GRAMD2B: variants seen among roughly 807,000 people sequenced by gnomAD.
GRAMD2B encodes GRAM domain-containing protein 2B.
Under a neutral mutation model 59.2 loss-of-function variants are expected in GRAMD2B, and 41 were observed. That is an observed-to-expected ratio of 0.69 (90% CI 0.54 to 0.90). The LOEUF is 0.90. Among genes scored for constraint, GRAMD2B ranks in the 40% least tolerant of loss-of-function variants. The pLI is 0.00. For synonymous variants in GRAMD2B, 161 were observed against 182.7 expected (o/e 0.88, Z 0.96); for missense variants, 424 against 500.5 (o/e 0.85, Z 1.46).
chr5:126,398,535 T>C (rs1757562455), intron 1 of GRAMD2B, among the ~76,000 whole-genome samples: 1 of 152,144 alleles, frequency 6.6e-6, no homozygotes, highest in Non-Finnish European at 1.5e-5. Flanking sequence ...ACTCTGTCAA[T>C]TTTGTTTAAC....
intron 1 of GRAMD2B, among the ~76,000 whole-genome samples, chr5:126,398,682 T>A (rs1175339863): frequency 1.3e-5 from 2 of 152,132 alleles, no homozygotes; most frequent in Non-Finnish European, 2.9e-5. Flanking sequence ...TCTTAAGGTA[T>A]AAAGTTAGAT....
At chr5:126,489,961 T>C (rs370280366) in intron 13 of GRAMD2B, among the ~76,000 whole-genome samples, 3 of 152,356 alleles carry the variant, frequency 2.0e-5, no homozygotes, top group South Asian at 2.1e-4. Context: ...TTATCTTTGT[T>C]TTCCTACACT....
chr5:126,439,070 G>A (rs1316914357), intron 1 of GRAMD2B, among the ~76,000 whole-genome samples: 1 of 152,124 alleles, frequency 6.6e-6, no homozygotes, highest in Non-Finnish European at 1.5e-5. Flanking sequence ...TATGTGAAAT[G>A]TCAGTAAAGG....
intron 12 of GRAMD2B, 149 bp downstream of exon 12, chr5:126,487,126 G>C: frequency 1.7e-6 from 1 of 589,178 alleles, no homozygotes; most frequent in East Asian, 2.8e-5. Context: ...AAGTAAAAAG[G>C]TAGGAGGGTC....
chr5:126,391,016 G>T (rs547318942), intron 1 of GRAMD2B, among the ~76,000 whole-genome samples: 1 of 152,116 alleles, frequency 6.6e-6, no homozygotes, highest in Admixed American at 6.5e-5. Context: ...TATAGTAACA[G>T]ATTGGGCTTA....
At chr5:126,404,283 TC>T (rs1279831064) in intron 1 of GRAMD2B, among the ~76,000 whole-genome samples, 1 of 151,876 alleles carries the variant, frequency 6.6e-6, no homozygotes, top group Non-Finnish European at 1.5e-5. Context: ...CCCCTTTTTT[TC>T]TTTGTGGTAG....
intron 1 of GRAMD2B, among the ~76,000 whole-genome samples, chr5:126,391,654 G>A (rs998784766): frequency 2.0e-5 from 3 of 152,196 alleles, no homozygotes; most frequent in African/African-American, 7.2e-5. Context: ...ACAAATGAAA[G>A]AAGCTAGTCA....
At chr5:126,461,620 C>T (rs1390061461) in intron 1 of GRAMD2B, among the ~76,000 whole-genome samples, 5 of 151,906 alleles carry the variant, frequency 3.3e-5, no homozygotes, top group Non-Finnish European at 7.4e-5. Context: ...GCCAACACAG[C>T]GAAACCCCGT....
At chr5:126,439,310 C>CTTTGTT (rs1762912166) in intron 1 of GRAMD2B, among the ~76,000 whole-genome samples, 1 of 140,858 alleles carries the variant, frequency 7.1e-6, no homozygotes, top group Non-Finnish European at 1.5e-5. Context: ...TTGATTGTTT[C>CTTTGTT]TTTGTTTTTT....
At chr5:126,462,449 G>A (rs1246288483) in intron 1 of GRAMD2B, 45 of 985,168 alleles carry the variant, frequency 4.6e-5, no homozygotes, top group Non-Finnish European at 5.2e-5. Context: ...CAAGGTAAGG[G>A]ACGCTTGCAG....
chr5:126,429,342 A>C (rs1007037909), intron 1 of GRAMD2B, among the ~76,000 whole-genome samples: 1 of 152,192 alleles, frequency 6.6e-6, no homozygotes, highest in Non-Finnish European at 1.5e-5. Flanking sequence ...ATGAGAACAC[A>C]TGGACACACA....
chr5:126,448,758 G>A (rs945371193), intron 1 of GRAMD2B, among the ~76,000 whole-genome samples: 2 of 152,224 alleles, frequency 1.3e-5, no homozygotes, highest in Admixed American at 1.3e-4. Context: ...CTTGGAAAGA[G>A]AAGGCTAGTC....
At chr5:126,482,359 C>T (rs574653617) in intron 8 of GRAMD2B, among the ~76,000 whole-genome samples, 1 of 152,116 alleles carries the variant, frequency 6.6e-6, no homozygotes, top group African/African-American at 2.4e-5. Flanking sequence ...TAAAAATCTA[C>T]CTTGAAAAAC....
chr5:126,469,366 G>A (rs1201997089), intron 2 of GRAMD2B, among the ~76,000 whole-genome samples: 1 of 152,164 alleles, frequency 6.6e-6, no homozygotes, highest in African/African-American at 2.4e-5. Flanking sequence ...CATAGGCCAG[G>A]TGTGGTGACT....
intron 1 of GRAMD2B, among the ~76,000 whole-genome samples, chr5:126,425,227 G>A (rs1313528413): frequency 6.6e-6 from 1 of 152,118 alleles, no homozygotes; most frequent in Non-Finnish European, 1.5e-5. Flanking sequence ...ATCAACCTAA[G>A]TGTCCATCAA....
rs777216269 is a variant in GRAMD2B at position 126,477,697 on chromosome 5, T to C, written c.492T>C (p.Ser164=). 14 of 1,587,300 alleles carry C rather than the reference T, an allele frequency of 8.8e-6. No homozygotes were observed. In the Middle Eastern group the frequency reaches 1.3e-3, roughly 151 times the overall value. The change falls in exon 6 of 14, where the codon TCT becomes TCC. Residue 164 remains serine (S), a synonymous_variant. Coordinates refer to ENST00000285689, the MANE Select transcript of GRAMD2B (RefSeq NM_023927.4). ...ACTTGCTGATTCTGTTTCAGATCTC[T>C]ATTCCAGCTTTCTCGGTAACCCTAA... The part of the protein sequence containing the change: ...SKVFGKDTKI[S]IPAFSVTLIK...
chr5:126,493,265 G>A lies in GRAMD2B; in HGVS notation c.*309G>A, dbSNP rs983155085. On this transcript the variant is annotated 3_prime_UTR_variant, in exon 14 of 14. Transcript: ENST00000285689. Reference sequence around the variant, plus strand: ...TCTCTTGGATAATTACCACGATGGCGTCAGCAAACACTCCACCCTGTGCCT... The same window carrying A: ...TCTCTTGGATAATTACCACGATGGCATCAGCAAACACTCCACCCTGTGCCT... The A allele has an allele frequency of 1.5e-4, 50 of 334,030 alleles. No homozygotes were observed. The highest frequency in any genetic ancestry group is 8.7e-4 in the African/African-American group (42 of 48,238). The allele number at this position is 334,030 out of a possible 1,614,324, so 20.7% of individuals were successfully genotyped here. A position where few individuals can be genotyped will look rare whatever the true frequency, so the allele number is the denominator to read the frequency against.
chr5:126,451,837 C>G (rs1232038185), intron 1 of GRAMD2B, among the ~76,000 whole-genome samples: 1 of 152,120 alleles, frequency 6.6e-6, no homozygotes, highest in Non-Finnish European at 1.5e-5. Flanking sequence ...GCACCATCCC[C>G]TTGGTGATAA....
At chr5:126,412,996 C>T (rs916330432) in intron 1 of GRAMD2B, among the ~76,000 whole-genome samples, 1 of 152,018 alleles carries the variant, frequency 6.6e-6, no homozygotes, top group African/African-American at 2.4e-5. Flanking sequence ...GATCTTCTCT[C>T]TTTTTTCTTT....
Sources: gnomAD v4.1 joint callset for allele counts (sites outside exome capture counted in the v4.1 genomes callset) on GRCh38, gnomAD v4.1.1 for gene constraint, MANE v1.5 for transcripts, NCBI Gene and HGNC (gene_info 2026-07-23, HGNC 2026-07-21) for gene names.